KRABD2: variants seen among roughly 807,000 people sequenced by gnomAD.
KRABD2 encodes the protein KRAB domain-containing protein 2.
the KRABD2 span, chr17:8,371,318 C>G: frequency 6.2e-7 from 1 of 1,607,756 alleles, no homozygotes; most frequent in Non-Finnish European, 8.5e-7. Flanking sequence ...CCCTGTGGGA[C>G]CGTGTTCTCA....
the KRABD2 span, among the ~76,000 whole-genome samples, chr17:8,375,380 G>A: frequency 6.6e-6 from 1 of 152,240 alleles, no homozygotes; most frequent in Non-Finnish European, 1.5e-5. Flanking sequence ...GGCAATAACT[G>A]GCTGTGATGG....
At chr17:8,372,161 GAAGGTCCTTCACTAA>G in the KRABD2 span, 275 of 764,516 alleles carry the variant, frequency 3.6e-4, 2 homozygotes, top group African/African-American at 4.7e-3. This position sits in a 1 kb window ranked among gnomAD's most constrained non-coding sequence, Gnocchi z 4.1. Flanking sequence ...TCCAGGTCCG[GAAGGTCCTTCACTAA>G]AAGGGCTTCA....
At chr17:8,369,424 G>C in the KRABD2 span, 2 of 1,614,104 alleles carry the variant, frequency 1.2e-6, no homozygotes, top group African/African-American at 2.7e-5. Flanking sequence ...TCGAAAGCCT[G>C]ATTCCTCACC....
At chr17:8,369,931 T>C in the KRABD2 span, 1 of 1,614,204 alleles carries the variant, frequency 6.2e-7, no homozygotes, top group Non-Finnish European at 8.5e-7. Context: ...TATAAGACAA[T>C]AACTTCTTTG....
the KRABD2 span, chr17:8,370,034 C>T: frequency 1.9e-6 from 3 of 1,614,158 alleles, no homozygotes; most frequent in Non-Finnish European, 2.5e-6. Flanking sequence ...GAATATCAAA[C>T]AACTCTTCCT....
At chr17:8,368,180 C>T in the KRABD2 span, among the ~76,000 whole-genome samples, 1 of 152,040 alleles carries the variant, frequency 6.6e-6, no homozygotes, top group Non-Finnish European at 1.5e-5. Context: ...ATTCGCTGAT[C>T]TAATTAAGGT....
chr17:8,359,648 GCT>G, the KRABD2 span: 8 of 455,862 alleles, frequency 1.8e-5, no homozygotes. Context: ...TTTCAGAGAG[GCT>G]CTCTTCCTGA....
At chr17:8,362,167 A>G in the KRABD2 span, among the ~76,000 whole-genome samples, 1 of 152,082 alleles carries the variant, frequency 6.6e-6, no homozygotes, top group Admixed American at 6.5e-5. This position sits in a 1 kb window ranked among gnomAD's most constrained non-coding sequence, Gnocchi z 4.2. Context: ...CCCCGTCTCT[A>G]CTAAAAATAC....
chr17:8,360,814 A>G, the KRABD2 span, among the ~76,000 whole-genome samples: 2 of 152,250 alleles, frequency 1.3e-5, no homozygotes, highest in African/African-American at 4.8e-5. Flanking sequence ...AAAGTCACCA[A>G]ATTGAAGAAG....
chr17:8,359,936 A>T, the KRABD2 span: 1 of 420,884 alleles, frequency 2.4e-6, no homozygotes. Flanking sequence ...TTGTGGGGGT[A>T]GAGTGGGGAG....
chr17:8,363,815 C>CAT, the KRABD2 span, among the ~76,000 whole-genome samples: 5,555 of 101,040 alleles, frequency 0.055, 440 homozygotes, highest in African/African-American at 0.14. Context: ...ATATATCATA[C>CAT]ATATATATAT....
chr17:8,368,859 A>T, the KRABD2 span: 1 of 391,588 alleles, frequency 2.6e-6, no homozygotes, highest in Non-Finnish European at 4.5e-6. Flanking sequence ...CTAGTCTTGA[A>T]CTCCTGATCT....
the KRABD2 span, among the ~76,000 whole-genome samples, chr17:8,363,844 T>TATATAG: frequency 1.2e-5 from 1 of 84,056 alleles, no homozygotes; most frequent in Non-Finnish European, 2.4e-5. Flanking sequence ...TATATATATA[T>TATATAG]ATATATATAT....
the KRABD2 span, among the ~76,000 whole-genome samples, chr17:8,375,145 G>A: frequency 2.6e-5 from 4 of 151,506 alleles, no homozygotes; most frequent in Admixed American, 2.6e-4. Flanking sequence ...CCGAGTGGCC[G>A]GGACTACAGG....
the KRABD2 span, among the ~76,000 whole-genome samples, chr17:8,366,322 C>T: frequency 1.3e-5 from 2 of 152,120 alleles, no homozygotes; most frequent in Non-Finnish European, 2.9e-5. Flanking sequence ...GTCATCCTTA[C>T]TCTGAATCAT....
chr17:8,374,371 T>C, the KRABD2 span, among the ~76,000 whole-genome samples: 1 of 152,086 alleles, frequency 6.6e-6, no homozygotes, highest in East Asian at 1.9e-4. Context: ...CACTCAGGGT[T>C]AAATGGATTA....
chr17:8,370,139 AC>A, the KRABD2 span: 1 of 1,614,024 alleles, frequency 6.2e-7, no homozygotes, highest in African/African-American at 1.3e-5. Context: ...ATTTTGCTGC[AC>A]GGCGATAATC....
At chr17:8,369,517 G>T in the KRABD2 span, 1 of 1,614,062 alleles carries the variant, frequency 6.2e-7, no homozygotes, top group Non-Finnish European at 8.5e-7. Flanking sequence ...TTTACATCAC[G>T]GCTTGCTCCT....
At chr17:8,376,267 G>T in the KRABD2 span, 1 of 1,229,234 alleles carries the variant, frequency 8.1e-7, no homozygotes, top group Non-Finnish European at 1.0e-6. Flanking sequence ...CCGAGTCTAC[G>T]CTTGGGAATT....
Sources: allele counts gnomAD v4.1 joint callset (sites outside exome capture counted in the v4.1 genomes callset), GRCh38; gene constraint gnomAD v4.1.1; non-coding constraint Gnocchi (gnomAD v3.1); transcripts MANE v1.5; gene names NCBI Gene and HGNC (gene_info 2026-07-23, HGNC 2026-07-21).